DPYSL5: variants seen among roughly 807,000 people sequenced by gnomAD.
DPYSL5 encodes dihydropyrimidinase like 5, also known as dihydropyrimidinase-related protein 5.
DPYSL5 carries 9 observed loss-of-function variants against 58.4 expected under a neutral mutation model. That is an observed-to-expected ratio of 0.15 (90% CI 0.09 to 0.27). DPYSL5 has a LOEUF of 0.27. Ranked by LOEUF, DPYSL5 falls within the 10% of genes least tolerant of loss-of-function variation. The pLI, the probability that DPYSL5 is intolerant of heterozygous loss-of-function variation, is 1.00. For synonymous variants in DPYSL5, 293 were observed against 301.9 expected (o/e 0.97, Z 0.31); for missense variants, 499 against 770.6 (o/e 0.65, Z 4.17).
In DPYSL5 at chr2:26,934,073, G is replaced by A. The variant is rs1558352593; in HGVS notation, c.791-505G>A. On this transcript the variant is annotated intron_variant, in intron 7 of 12. Coordinates refer to ENST00000288699, the MANE Select transcript of DPYSL5 (RefSeq NM_020134.4). This position sits in a 1 kb window ranked among gnomAD's most constrained non-coding sequence, Gnocchi z 4.3. ...TCACTGAAGCCCCTTGGAGGGTCTC[G>A]CCTAGACTGTCGTCCCAGCCTGGTG... is the stretch of plus-strand genomic sequence containing the variant. Among the ~76,000 whole-genome samples the A allele has an allele frequency of 1.3e-5, 2 of 152,134 alleles. No homozygotes were observed. The highest frequency in any genetic ancestry group is 3.9e-4 in the East Asian group (2 of 5,178).
intron 1 of DPYSL5, among the ~76,000 whole-genome samples, chr2:26,879,192 A>AT (rs1422799959): frequency 6.6e-6 from 1 of 152,232 alleles, no homozygotes; most frequent in Non-Finnish European, 1.5e-5. Flanking sequence ...TGGTGAGGTC[A>AT]TAGTCCAGTA....
At position 26,924,802 on chromosome 2, in the gene DPYSL5, T is replaced by C; in HGVS notation, c.262-85T>C. 1 of 1,508,366 alleles carries C rather than the reference T, an allele frequency of 6.6e-7. No individual in the cohort carries two copies. The highest frequency in any genetic ancestry group is 8.9e-7 in the Non-Finnish European group (1 of 1,122,954). The allele number at this position is 1,508,366 out of a possible 1,614,324, so 93.4% of individuals were successfully genotyped here. On this transcript the variant is annotated intron_variant, in intron 2 of 12. Transcript: ENST00000288699. The surrounding 1 kb of genome is among the most constrained non-coding windows in gnomAD (Gnocchi z 4.7). Reference sequence around the variant, plus strand: ...TTGTGAGGCAGGGCCTGTCTTTGAATGGACCATGAGGACCATGTCTCACCA... The same window carrying C: ...TTGTGAGGCAGGGCCTGTCTTTGAACGGACCATGAGGACCATGTCTCACCA...
chr2:26,942,597 C>T lies in DPYSL5; in HGVS notation c.1287C>T (p.Asn429=), dbSNP rs1462847665. The change falls in exon 11 of 13, where the codon AAC becomes AAT. Residue 429 remains asparagine, a synonymous_variant. Transcript: ENST00000288699. The surrounding 1 kb of genome is among the most constrained non-coding windows in gnomAD (Gnocchi z 5.9). ...VQGGDFNLYE[N]MRCHGVPLVT... Reference sequence around the variant, plus strand: ...GAGGAGACTTCAACCTGTATGAGAACATGCGCTGCCACGGCGTGCCACTGG... The same window carrying T: ...GAGGAGACTTCAACCTGTATGAGAATATGCGCTGCCACGGCGTGCCACTGG... The T allele has an allele frequency of 6.2e-7, 1 of 1,614,158 alleles. No individual in the cohort carries two copies. The highest frequency in any genetic ancestry group is 8.5e-7 in the Non-Finnish European group (1 of 1,180,046).
intron 1 of DPYSL5, among the ~76,000 whole-genome samples, chr2:26,850,356 G>A (rs1665720174): frequency 6.6e-6 from 1 of 152,146 alleles, no homozygotes; most frequent in African/African-American, 2.4e-5. Flanking sequence ...TTTCAGCAGG[G>A]CTTTCCACGC....
At chr2:26,902,150 G>A (rs745462891) in intron 2 of DPYSL5, among the ~76,000 whole-genome samples, 68 of 152,180 alleles carry the variant, frequency 4.5e-4, no homozygotes, top group Non-Finnish European at 8.1e-4. Flanking sequence ...CAAAAAGGAG[G>A]TTATCTCCGT....
At chr2:26,864,857 CCTCTTCCTGA>C (rs2148112591) in intron 1 of DPYSL5, among the ~76,000 whole-genome samples, 1 of 152,248 alleles carries the variant, frequency 6.6e-6, no homozygotes, top group South Asian at 2.1e-4. Flanking sequence ...CCTGTTTCCA[CCTCTTCCTGA>C]CTCTTCGCCT....
intron 6 of DPYSL5, 126 bp downstream of exon 6, chr2:26,931,810 C>G: frequency 2.1e-6 from 2 of 947,016 alleles, no homozygotes; most frequent in Non-Finnish European, 3.2e-6. Context: ...GAGTTTGAGA[C>G]CAGCCTGGCC....
chr2:26,917,743 G>C (rs1354029895), intron 2 of DPYSL5, among the ~76,000 whole-genome samples: 2 of 152,174 alleles, frequency 1.3e-5, no homozygotes, highest in African/African-American at 4.8e-5. Context: ...TGGCTGGACT[G>C]GCCACATAAT....
chr2:26,865,312 CTTTTTTTTTT>C (rs1192892146), intron 1 of DPYSL5, among the ~76,000 whole-genome samples: 1 of 89,588 alleles, frequency 1.1e-5, no homozygotes, highest in African/African-American at 4.3e-5. Context: ...GTTTTGTGTT[CTTTTTTTTTT>C]TTTTTTTTTT....
intron 1 of DPYSL5, among the ~76,000 whole-genome samples, chr2:26,851,835 C>T (rs1385591143): frequency 1.3e-5 from 2 of 152,100 alleles, no homozygotes; most frequent in Admixed American, 6.5e-5. Flanking sequence ...GTCCCAGCTA[C>T]TTGGGAGGAG....
chr2:26,887,366 C>T (rs1355957980), intron 1 of DPYSL5, among the ~76,000 whole-genome samples: 1 of 152,244 alleles, frequency 6.6e-6, no homozygotes, highest in Non-Finnish European at 1.5e-5. Context: ...CAGCATCCTC[C>T]AGCTGAGTTG....
chr2:26,942,498 G>A lies in DPYSL5; in HGVS notation c.1233-45G>A. On this transcript the variant is annotated intron_variant, in intron 10 of 12. Coordinates refer to ENST00000288699, the MANE Select transcript of DPYSL5 (RefSeq NM_020134.4). The surrounding 1 kb of genome is among the most constrained non-coding windows in gnomAD (Gnocchi z 5.9). ...CCCTCCCATGGAGCTGTGACATTTT[G>A]ACCTGTCCTCAGCGCTTTCTCTCCC... The A allele has an allele frequency of 6.3e-7, 1 of 1,577,606 alleles. No individual in the cohort carries two copies. Among genetic ancestry groups the A allele is most frequent in the Non-Finnish European group, 8.6e-7 (1 of 1,158,814 alleles).
chr2:26,938,632 C>T (rs1403988774), intron 8 of DPYSL5: 1 of 152,266 alleles, frequency 6.6e-6, no homozygotes, highest in Non-Finnish European at 1.5e-5. Context: ...GGAGACAGCC[C>T]TATGGAGCTA....
At position 26,898,467 on chromosome 2, in the gene DPYSL5, T is replaced by C; in HGVS notation, c.-4-29T>C. The C allele has an allele frequency of 6.2e-7, 1 of 1,606,220 alleles. No individual in the cohort carries two copies. On this transcript the variant is annotated intron_variant, in intron 1 of 12. Coordinates refer to ENST00000288699, the MANE Select transcript of DPYSL5 (RefSeq NM_020134.4). This position sits in a 1 kb window ranked among gnomAD's most constrained non-coding sequence, Gnocchi z 6.1. ...AACTGGAAACAGTGAGAAGGGACTT[T>C]GACCTTGACCATGCTCACCTTCTTG...
chr2:26,928,523 C>T (rs1483405894), intron 5 of DPYSL5, among the ~76,000 whole-genome samples, 200 bp downstream of exon 5: 5 of 150,552 alleles, frequency 3.3e-5, no homozygotes, highest in African/African-American at 9.8e-5. Context: ...GGTGAAACTC[C>T]GTCTCTACTA....
intron 1 of DPYSL5, among the ~76,000 whole-genome samples, chr2:26,888,119 A>G (rs1363636479): frequency 6.6e-6 from 1 of 152,226 alleles, no homozygotes; most frequent in African/African-American, 2.4e-5. Context: ...GAAAATTGGA[A>G]GTAAACTTAA....
At chr2:26,884,058 C>T (rs530781718) in intron 1 of DPYSL5, among the ~76,000 whole-genome samples, 3 of 152,296 alleles carry the variant, frequency 2.0e-5, no homozygotes, top group African/African-American at 7.2e-5. Flanking sequence ...GCTGCAGCTG[C>T]CATCCTTCCA....
intron 11 of DPYSL5, among the ~76,000 whole-genome samples, chr2:26,943,139 G>A (rs893067760): frequency 1.3e-5 from 2 of 152,078 alleles, no homozygotes; most frequent in African/African-American, 4.8e-5. Context: ...GAAGCAAGCG[G>A]GGGGTAGAGC....
At chr2:26,861,745 G>A (rs1033986954) in intron 1 of DPYSL5, among the ~76,000 whole-genome samples, 24 of 152,076 alleles carry the variant, frequency 1.6e-4, no homozygotes, top group Non-Finnish European at 2.6e-4. Context: ...GCCATCCCCC[G>A]GCCATGATCT....
Sources: gnomAD v4.1 joint callset for allele counts (sites outside exome capture counted in the v4.1 genomes callset) on GRCh38, gnomAD v4.1.1 for gene constraint, Gnocchi (gnomAD v3.1) non-coding constraint, MANE v1.5 for transcripts, NCBI Gene and HGNC (gene_info 2026-07-23, HGNC 2026-07-21) for gene names.